The following SLC6A3 variants were observed in gnomAD, a reference collection of about 807,000 sequenced individuals.
SLC6A3 encodes the protein sodium-dependent dopamine transporter.
A neutral mutation model predicts 70.4 loss-of-function variants in SLC6A3; 19 were observed. The observed-to-expected ratio is 0.27, with a 90% CI of 0.19 to 0.40. SLC6A3 has a LOEUF of 0.40. SLC6A3 is among the 10% of genes least tolerant of loss of function. The probability of loss-of-function intolerance (pLI) is 1.00; values close to 1 mark genes in which losing one functional copy is unlikely to be tolerated. For missense variants in SLC6A3, 613 were observed against 838.5 expected (o/e 0.73, Z 3.32); for synonymous variants, 368 against 356.6 (o/e 1.03, Z -0.36).
At chr5:1,399,375 C>G (rs963464583) in intron 14 of SLC6A3, among the ~76,000 whole-genome samples, 31 of 151,932 alleles carry the variant, frequency 2.0e-4, no homozygotes, top group African/African-American at 7.3e-4. Context: ...TAGAAAAGAA[C>G]GAAGGATGCA....
At chr5:1,415,323 G>A (rs1756262049) in intron 7 of SLC6A3, among the ~76,000 whole-genome samples, 1 of 152,140 alleles carries the variant, frequency 6.6e-6, no homozygotes, top group African/African-American at 2.4e-5. Context: ...GGGTCGGTCA[G>A]GGCACCAGCG....
chr5:1,433,481 C>A (rs1756755034), intron 3 of SLC6A3, among the ~76,000 whole-genome samples: 2 of 152,218 alleles, frequency 1.3e-5, no homozygotes, highest in African/African-American at 4.8e-5. Flanking sequence ...CCATCCATGG[C>A]CATCCACAGC....
chr5:1,441,299 T>C, intron 3 of SLC6A3, 60 bp downstream of exon 3: 1 of 1,609,424 alleles, frequency 6.2e-7, no homozygotes, highest in South Asian at 1.1e-5. Context: ...CTTTGAAAGC[T>C]CCAGCGTCAC....
intron 14 of SLC6A3, among the ~76,000 whole-genome samples, chr5:1,398,830 T>C (rs944618922): frequency 5.3e-5 from 8 of 152,182 alleles, no homozygotes; most frequent in African/African-American, 1.9e-4. Flanking sequence ...GAAAACAGCC[T>C]CAGACTACAG....
In SLC6A3 at chr5:1,408,908, C is replaced by A; in HGVS notation, c.1498+118G>T. ...TCTCCCCTCTGCGGAGCTGTGATGA[C>A]CACAACCCAGGCTTCCTGCAGCTGA... On this transcript the variant is annotated intron_variant, in intron 11 of 14. Coordinates refer to ENST00000270349, the MANE Select transcript of SLC6A3 (RefSeq NM_001044.5). This position sits in a 1 kb window ranked among gnomAD's most constrained non-coding sequence, Gnocchi z 6.4. The A allele has an allele frequency of 1.3e-6, 1 of 753,258 alleles. No individual in the cohort carries two copies. Among genetic ancestry groups the A allele is most frequent in the Non-Finnish European group, 2.3e-6 (1 of 427,052 alleles). 46.7% of individuals were successfully genotyped at this position (753,258 alleles called of 1,614,324 possible).
intron 10 of SLC6A3, 64 bp from the exon 11 acceptor site, chr5:1,409,189 G>C (rs892474678): frequency 8.5e-7 from 1 of 1,176,282 alleles, no homozygotes; most frequent in South Asian, 1.3e-5. Flanking sequence ...CCCAGCCTGG[G>C]GATTCACTGT....
Position 1,406,297 on chromosome 5 carries a change from G to A in SLC6A3, c.1499-9C>T. 3 of 1,609,630 alleles carry A rather than the reference G, an allele frequency of 1.9e-6. No individual in the cohort carries two copies. The highest frequency in any genetic ancestry group is 2.5e-6 in the Non-Finnish European group (3 of 1,176,944). On this transcript the variant is annotated splice_polypyrimidine_tract_variant and intron_variant, in intron 11 of 14. Transcript: ENST00000270349. This position sits in a 1 kb window ranked among gnomAD's most constrained non-coding sequence, Gnocchi z 8.8. ...GCTGAACTGCCCAACACCTGAGGGA[G>A]AAGAGGTGGCATCAGTGTCCATCAG...
At position 1,437,780 on chromosome 5, in the gene SLC6A3, A is replaced by G. The variant is rs1220750656; in HGVS notation, c.418+3579T>C. ...CCAGGCTTCCTGGAGAGCTGGCTTC[A>G]TTCCCCCATGGAATTGCCACCTGCT... On this transcript the variant is annotated intron_variant, in intron 3 of 14. Coordinates refer to ENST00000270349, the MANE Select transcript of SLC6A3 (RefSeq NM_001044.5). The surrounding 1 kb of genome is among the most constrained non-coding windows in gnomAD (Gnocchi z 4.8). 1.3e-5 allele frequency among the ~76,000 whole-genome samples: 2 copies of G among 152,336 alleles called. No homozygotes were observed. Among genetic ancestry groups the G allele is most frequent in the Admixed American group, 1.3e-4 (2 of 15,298 alleles).
At chr5:1,431,643 C>T (rs565095925) in intron 4 of SLC6A3, among the ~76,000 whole-genome samples, 1 of 146,376 alleles carries the variant, frequency 6.8e-6, no homozygotes, top group Non-Finnish European at 1.5e-5. Context: ...TGGGCCTGGC[C>T]GAGGTGGACA....
intron 6 of SLC6A3, 42 bp from the exon 7 acceptor site, chr5:1,416,243 G>A (rs758159480): frequency 1.6e-5 from 24 of 1,481,312 alleles, no homozygotes; most frequent in Admixed American, 1.5e-4. Context: ...CCAGGAGAAC[G>A]CAGGCCACAG....
At position 1,401,300 on chromosome 5, in the gene SLC6A3, T is replaced by C. The variant is rs1437013871; in HGVS notation, c.1768-314A>G. 3 of 583,714 alleles carry C rather than the reference T, an allele frequency of 5.1e-6. No individual in the cohort carries two copies. The highest frequency in any genetic ancestry group is 9.7e-6 in the Non-Finnish European group (3 of 309,174). 36.2% of individuals were successfully genotyped at this position (583,714 alleles called of 1,614,324 possible). A position where few individuals can be genotyped will look rare whatever the true frequency, so the allele number is the denominator to read the frequency against. ...TAAAACGTGGTCCTGGAGATGGCTC[T>C]TGAGTCTAAGCTACCACGTGTGCTG... is the stretch of plus-strand genomic sequence containing the variant. On this transcript the variant is annotated intron_variant, in intron 13 of 14. Transcript: ENST00000270349. This position sits in a 1 kb window ranked among gnomAD's most constrained non-coding sequence, Gnocchi z 6.1.
Position 1,396,648 on chromosome 5 carries a change from A to C in SLC6A3, c.1840-1890T>G, listed in dbSNP as rs72715518. ...TTCAGACGAGCACATCCCGCTGTGAATGAGGAGGCTGGGGAGAGATCCGCC... is the reference window on the plus strand; with the variant it reads ...TTCAGACGAGCACATCCCGCTGTGACTGAGGAGGCTGGGGAGAGATCCGCC... On this transcript the variant is annotated intron_variant, in intron 14 of 14. Transcript: ENST00000270349. This position sits in a 1 kb window ranked among gnomAD's most constrained non-coding sequence, Gnocchi z 7.0. Among the ~76,000 whole-genome samples the C allele has an allele frequency of 9.2e-3, 1,401 of 152,300 alleles. 14 individuals carry two copies. The highest frequency in any genetic ancestry group is 0.015 in the Non-Finnish European group (994 of 68,020).
intron 12 of SLC6A3, 87 bp from the exon 13 acceptor site, chr5:1,403,176 G>C: frequency 6.9e-7 from 1 of 1,442,832 alleles, no homozygotes; most frequent in Non-Finnish European, 9.5e-7. Context: ...TCATGGCAGA[G>C]CGTCTCTCAG....
chr5:1,414,498 G>GGGAGGGGCAGGGAA (rs1756223315), intron 8 of SLC6A3, among the ~76,000 whole-genome samples, 193 bp downstream of exon 8: 8 of 87,692 alleles, frequency 9.1e-5, no homozygotes, highest in African/African-American at 5.6e-4. Context: ...GGGTCAGGGC[G>GGGAGGGGCAGGGAA]GGGAAGGCGC....
At chr5:1,409,563 C>A (rs1023928546) in intron 10 of SLC6A3, among the ~76,000 whole-genome samples, 158 bp downstream of exon 10, 1 of 152,200 alleles carries the variant, frequency 6.6e-6, no homozygotes, top group Non-Finnish European at 1.5e-5. Context: ...GTGCAGTTAC[C>A]CTGTGCACTG....
At position 1,394,806 on chromosome 5, in the gene SLC6A3, T is replaced by TTAAGAGCAGCTGAAGGTGGC. The variant is rs374826498; in HGVS notation, c.1840-68_1840-49dup. ...CAGAAACCCTGGGGCGATGCCCCAT[T>TTAAGAGCAGCTGAAGGTGGC]TAAGAGCAGCTGAAGGTGGCTAAGA... is the stretch of plus-strand genomic sequence containing the variant. On this transcript the variant is annotated intron_variant, in intron 14 of 14. Coordinates refer to ENST00000270349, the MANE Select transcript of SLC6A3 (RefSeq NM_001044.5). The surrounding 1 kb of genome is among the most constrained non-coding windows in gnomAD (Gnocchi z 4.7). 5.6e-6 allele frequency: 9 copies of TTAAGAGCAGCTGAAGGTGGC among 1,605,922 alleles called. No individual in the cohort carries two copies. The highest frequency in any genetic ancestry group is 1.7e-5 in the Admixed American group (1 of 60,008).
At chr5:1,431,112 T>C (rs1273628804) in intron 4 of SLC6A3, among the ~76,000 whole-genome samples, 1 of 152,208 alleles carries the variant, frequency 6.6e-6, no homozygotes, top group Non-Finnish European at 1.5e-5. Context: ...AGAGTCCGCC[T>C]GTCAGAACGG....
At chr5:1,418,759 C>T (rs140561040) in intron 6 of SLC6A3, among the ~76,000 whole-genome samples, 1 of 151,640 alleles carries the variant, frequency 6.6e-6, no homozygotes, top group Non-Finnish European at 1.5e-5. Flanking sequence ...TCCATCCATC[C>T]ATGCTGTCCA....
Position 1,394,751 on chromosome 5 carries a change from T to C in SLC6A3, c.1847A>G (p.His616Arg). ...CTGCTCCCTCTACACCTTGAGCCAGTGGCGGAGCTGGAAAGAAAACAGGTT... is the reference window on the plus strand; with the variant it reads ...CTGCTCCCTCTACACCTTGAGCCAGCGGCGGAGCTGGAAAGAAAACAGGTT... ...RGEVRQFTLR[H>R]WLKV Residue 616 changes from histidine (H) to arginine (R), a missense_variant, in exon 15 of 15, where the codon CAC (histidine) becomes CGC (arginine). Transcript: ENST00000270349. This position sits in a 1 kb window ranked among gnomAD's most constrained non-coding sequence, Gnocchi z 4.7. 1 of 1,614,142 alleles carries C rather than the reference T, an allele frequency of 6.2e-7. No individual in the cohort carries two copies. The highest frequency in any genetic ancestry group is 8.5e-7 in the Non-Finnish European group (1 of 1,180,020).
Sources: gnomAD v4.1 joint callset for allele counts (sites outside exome capture counted in the v4.1 genomes callset) on GRCh38, gnomAD v4.1.1 for gene constraint, Gnocchi (gnomAD v3.1) non-coding constraint, MANE v1.5 for transcripts, NCBI Gene and HGNC (gene_info 2026-07-23, HGNC 2026-07-21) for gene names.